Variants in LMX1A observed in about 807,000 individuals in gnomAD.
LMX1A encodes the protein LIM homeobox transcription factor 1-alpha.
LMX1A carries 15 observed loss-of-function variants against 49.1 expected under a neutral mutation model. The observed-to-expected ratio is 0.31, with a 90% CI of 0.20 to 0.47. LMX1A has a LOEUF of 0.47. LMX1A is among the 20% of genes least tolerant of loss of function. The pLI, the probability that LMX1A is intolerant of heterozygous loss-of-function variation, is 1.00. For missense variants in LMX1A, 372 were observed against 475.8 expected (o/e 0.78, Z 2.03); for synonymous variants, 167 against 185.7 (o/e 0.90, Z 0.82).
intron 4 of LMX1A, among the ~76,000 whole-genome samples, chr1:165,242,033 G>A (rs922117946): frequency 2.5e-4 from 38 of 152,216 alleles, no homozygotes; most frequent in African/African-American, 8.7e-4. Flanking sequence ...TGGCTTCGGT[G>A]AGAAGAAAAG....
chr1:165,335,953 G>A (rs1456487611), intron 3 of LMX1A, among the ~76,000 whole-genome samples: 1 of 151,940 alleles, frequency 6.6e-6, no homozygotes. Context: ...CCACTGGTAT[G>A]AGAATAAAAT....
intron 4 of LMX1A, among the ~76,000 whole-genome samples, chr1:165,248,002 AAT>A (rs1652918716): frequency 6.6e-6 from 1 of 152,208 alleles, no homozygotes; most frequent in Non-Finnish European, 1.5e-5. Context: ...TAGACCTGGG[AAT>A]ATAGTGGTAA....
At chr1:165,321,325 G>A (rs984676654) in intron 3 of LMX1A, among the ~76,000 whole-genome samples, 7 of 152,064 alleles carry the variant, frequency 4.6e-5, no homozygotes, top group African/African-American at 1.7e-4. Flanking sequence ...GAAAATAGGG[G>A]TGACAGTTGC....
chr1:165,273,877 A>G (rs1462188871), intron 3 of LMX1A, among the ~76,000 whole-genome samples: 1 of 152,218 alleles, frequency 6.6e-6, no homozygotes, highest in African/African-American at 2.4e-5. Context: ...GAGGGCATAG[A>G]GGACCATGAG....
chr1:165,286,313 G>A (rs1654303469), intron 3 of LMX1A, among the ~76,000 whole-genome samples: 1 of 152,174 alleles, frequency 6.6e-6, no homozygotes, highest in African/African-American at 2.4e-5. Flanking sequence ...CTGGATCTGT[G>A]CAGGAAGTGC....
chr1:165,320,572 G>A (rs1655355780), intron 3 of LMX1A, among the ~76,000 whole-genome samples: 1 of 152,158 alleles, frequency 6.6e-6, no homozygotes, highest in Non-Finnish European at 1.5e-5. Context: ...ACTCTAGTAG[G>A]GGGCTCCACA....
At chr1:165,217,460 G>A (rs568523382) in intron 4 of LMX1A, among the ~76,000 whole-genome samples, 5 of 152,290 alleles carry the variant, frequency 3.3e-5, no homozygotes, top group African/African-American at 1.2e-4. Flanking sequence ...CACCACAGGT[G>A]GCTGCTCCTT....
At chr1:165,224,892 C>A (rs1033440892) in intron 4 of LMX1A, among the ~76,000 whole-genome samples, 2 of 152,336 alleles carry the variant, frequency 1.3e-5, no homozygotes, top group South Asian at 4.1e-4. Context: ...ATCTGAATCT[C>A]TTTCACATTG....
In LMX1A at chr1:165,255,972, CA is replaced by C. The variant is rs1226753422; in HGVS notation, c.264-6333del. Among the ~76,000 whole-genome samples, 1,015 of 140,188 alleles carry C rather than the reference CA, an allele frequency of 7.2e-3. 31 individuals are homozygous for C. The highest frequency in any genetic ancestry group is 0.052 in the Admixed American group (728 of 14,094). 92.0% of individuals were successfully genotyped at this position (140,188 alleles called of 152,430 possible). On this transcript the variant is annotated intron_variant, in intron 3 of 8. Transcript: ENST00000342310. ...TGGCAACAAGAGCGAAACTCCGTCT[CA>C]AAAAAAAAAAAGAATGTTGTGAGTT...
At chr1:165,290,640 C>T (rs975376019) in intron 3 of LMX1A, among the ~76,000 whole-genome samples, 1 of 152,172 alleles carries the variant, frequency 6.6e-6, no homozygotes, top group Non-Finnish European at 1.5e-5. Context: ...ATGGATCAGA[C>T]ATTGTGCTAA....
In LMX1A at chr1:165,356,391, G is replaced by A. The variant is rs1005357744; in HGVS notation, c.-59C>T. ...GCTCTCTCCCAGTGACTGGAGCAGA[G>A]AGAAGTTGCGGAGCGCTGCTGGAAG... is the stretch of plus-strand genomic sequence containing the variant. On this transcript the variant is annotated 5_prime_UTR_variant, in exon 1 of 9. Coordinates refer to ENST00000342310, the MANE Select transcript of LMX1A (RefSeq NM_177398.4). The A allele has an allele frequency of 3.9e-5, 6 of 152,234 alleles. No homozygotes were observed. Among genetic ancestry groups the A allele is most frequent in the African/African-American group, 1.4e-4 (6 of 41,464 alleles). The allele number at this position is 152,234 out of a possible 1,614,324, so 9.4% of individuals were successfully genotyped here.
At chr1:165,231,562 A>T (rs1025876652) in intron 4 of LMX1A, among the ~76,000 whole-genome samples, 3 of 152,180 alleles carry the variant, frequency 2.0e-5, no homozygotes, top group African/African-American at 7.2e-5. Context: ...GGAATTGCAG[A>T]TGTGAGCCAA....
At chr1:165,257,307 G>A (rs760182935) in intron 3 of LMX1A, among the ~76,000 whole-genome samples, 5 of 151,966 alleles carry the variant, frequency 3.3e-5, no homozygotes, top group East Asian at 3.9e-4. Flanking sequence ...GTCTTCATAG[G>A]AGAAACATGT....
intron 4 of LMX1A, among the ~76,000 whole-genome samples, chr1:165,233,899 C>T (rs1031816713): frequency 2.0e-4 from 30 of 152,208 alleles, no homozygotes; most frequent in African/African-American, 6.7e-4. Context: ...CTCTGAAACC[C>T]CTCTCTAAGG....
intron 8 of LMX1A, among the ~76,000 whole-genome samples, chr1:165,205,447 T>C (rs968627201): frequency 1.3e-5 from 2 of 152,240 alleles, no homozygotes; most frequent in Non-Finnish European, 2.9e-5. Flanking sequence ...GTATCCATAG[T>C]AGGATAGTCC....
intron 4 of LMX1A, among the ~76,000 whole-genome samples, chr1:165,236,165 C>T (rs532462890): frequency 9.8e-5 from 15 of 152,288 alleles, no homozygotes; most frequent in African/African-American, 3.6e-4. Flanking sequence ...TGTGAGCAGA[C>T]GGCAGGAGGG....
chr1:165,295,995 G>A lies in LMX1A; in HGVS notation c.264-46355C>T, dbSNP rs75412393. On this transcript the variant is annotated intron_variant, in intron 3 of 8. Coordinates refer to ENST00000342310, the MANE Select transcript of LMX1A (RefSeq NM_177398.4). Reference sequence around the variant, plus strand: ...TTCTTTGGCCAGAAAAGGTTTGTTGGAAACAGTTGTAACCTTTAGAGAACT... The same window carrying A: ...TTCTTTGGCCAGAAAAGGTTTGTTGAAAACAGTTGTAACCTTTAGAGAACT... Among the ~76,000 whole-genome samples, 355 of 152,246 alleles carry A rather than the reference G, an allele frequency of 2.3e-3. 2 individuals carry two copies. The highest frequency in any genetic ancestry group is 8.2e-3 in the African/African-American group (342 of 41,550).
chr1:165,301,630 G>A (rs1654776695), intron 3 of LMX1A, among the ~76,000 whole-genome samples: 2 of 152,174 alleles, frequency 1.3e-5, no homozygotes, highest in Non-Finnish European at 2.9e-5. Context: ...AGAATGCGCT[G>A]CTAAATATGC....
Position 165,344,642 on chromosome 1 carries a change from G to A in LMX1A, c.263+8434C>T, listed in dbSNP as rs114010556. Among the ~76,000 whole-genome samples, 534 of 152,328 alleles carry A rather than the reference G, an allele frequency of 3.5e-3. 1 individual carries two copies. Among genetic ancestry groups the A allele is most frequent in the African/African-American group, 0.012 (511 of 41,562 alleles). Reference sequence around the variant, plus strand: ...ACTGTGATGGACCAGGAATGCCTGGGGGATGCGCAGAAACTAGGCTCTAGT... The same window carrying A: ...ACTGTGATGGACCAGGAATGCCTGGAGGATGCGCAGAAACTAGGCTCTAGT... On this transcript the variant is annotated intron_variant, in intron 3 of 8. Coordinates refer to ENST00000342310, the MANE Select transcript of LMX1A (RefSeq NM_177398.4).
Sources: gnomAD v4.1 joint callset for allele counts (sites outside exome capture counted in the v4.1 genomes callset) on GRCh38, gnomAD v4.1.1 for gene constraint, MANE v1.5 for transcripts, NCBI Gene and HGNC (gene_info 2026-07-23, HGNC 2026-07-21) for gene names.